MYO18B: variants seen among roughly 807,000 people sequenced by gnomAD.
MYO18B encodes unconventional myosin-XVIIIb.
MYO18B carries 204 observed loss-of-function variants against 273.0 expected under a neutral mutation model. The observed-to-expected ratio is 0.75, with a 90% CI of 0.67 to 0.84. The LOEUF (loss-of-function observed/expected upper bound fraction) is 0.84. Among genes scored for constraint, MYO18B ranks in the 40% least tolerant of loss-of-function variants. The pLI is 0.00. For missense variants in MYO18B, 3,212 were observed against 3,287.6 expected, an observed-to-expected ratio of 0.98 and a Z score of 0.56; for synonymous variants, 1,330 against 1,305.7, an observed-to-expected ratio of 1.02 and a Z score of -0.40.
intron 39 of MYO18B, among the ~76,000 whole-genome samples, chr22:25,968,574 G>A (rs1029974408): frequency 3.3e-5 from 5 of 151,880 alleles, no homozygotes; most frequent in African/African-American, 9.7e-5. Flanking sequence ...GTTACTCCTG[G>A]GGCTGGGACA....
Position 25,781,629 on chromosome 22 carries a change from T to C in MYO18B, c.2212-105T>C, listed in dbSNP as rs865913327. The stretch of plus-strand genomic sequence containing the variant: ...CGTCTCAAAAAAAAAAAAAAAAGAG[T>C]GGATCAGAGTGGGGCACCCCAATGG... On this transcript the variant is annotated intron_variant, in intron 9 of 43. Coordinates refer to ENST00000335473, the MANE Select transcript of MYO18B (RefSeq NM_032608.7). 4.3e-3 allele frequency: 1,283 copies of C among 295,654 alleles called. 18 individuals are homozygous for C. Among genetic ancestry groups the C allele is most frequent in the Middle Eastern group, 0.021 (23 of 1,116 alleles). 18.3% of individuals were successfully genotyped at this position (295,654 alleles called of 1,614,324 possible).
chr22:25,803,229 C>T (rs2088303790), intron 12 of MYO18B, among the ~76,000 whole-genome samples: 1 of 152,150 alleles, frequency 6.6e-6, no homozygotes, highest in Non-Finnish European at 1.5e-5. Context: ...TCCCAAAGTG[C>T]TGGGATTACA....
chr22:26,061,068 A>G, the MYO18B span, among the ~76,000 whole-genome samples: 1 of 152,076 alleles, frequency 6.6e-6, no homozygotes, highest in Admixed American at 6.5e-5. Flanking sequence ...AACCTTCTGT[A>G]GCCCCAGCTA....
At chr22:25,970,848 C>A (rs759080956) in intron 39 of MYO18B, among the ~76,000 whole-genome samples, 1 of 152,130 alleles carries the variant, frequency 6.6e-6, no homozygotes, top group African/African-American at 2.4e-5. Flanking sequence ...CCTTCAGGCT[C>A]CTGCCTTTGT....
chr22:26,030,771 T>C lies in MYO18B; in HGVS notation c.*341T>C, dbSNP rs1936630499. 3 of 395,596 alleles carry C rather than the reference T, an allele frequency of 7.6e-6. No homozygotes were observed. Among genetic ancestry groups the C allele is most frequent in the Non-Finnish European group, 1.3e-5 (3 of 224,690 alleles). The allele number at this position is 395,596 out of a possible 1,614,324, so 24.5% of individuals were successfully genotyped here. On this transcript the variant is annotated 3_prime_UTR_variant, in exon 44 of 44. Coordinates refer to ENST00000335473, the MANE Select transcript of MYO18B (RefSeq NM_032608.7). ...AGTTTGGGGTGTATACTTCTATTTCTCTTCCTACATGTCTACATGCCATGA... is the reference window on the plus strand; with the variant it reads ...AGTTTGGGGTGTATACTTCTATTTCCCTTCCTACATGTCTACATGCCATGA...
chr22:25,793,782 T>C (rs1381165689), intron 11 of MYO18B, among the ~76,000 whole-genome samples: 6 of 152,252 alleles, frequency 3.9e-5, no homozygotes, highest in Non-Finnish European at 8.8e-5. Context: ...TTGATTGACC[T>C]TGAGACTTTA....
chr22:25,925,446 T>A (rs2092406189), intron 34 of MYO18B, among the ~76,000 whole-genome samples: 1 of 152,162 alleles, frequency 6.6e-6, no homozygotes, highest in Admixed American at 6.6e-5. Flanking sequence ...TATTTTAAAA[T>A]TAGTTAATTT....
At chr22:25,970,149 CATT>C (rs1268635544) in intron 39 of MYO18B, among the ~76,000 whole-genome samples, 1 of 152,090 alleles carries the variant, frequency 6.6e-6, no homozygotes, top group Non-Finnish European at 1.5e-5. Context: ...TCACCACCAT[CATT>C]ATCATCACCA....
chr22:25,819,105 C>T (rs757947816), intron 12 of MYO18B, among the ~76,000 whole-genome samples: 1 of 152,064 alleles, frequency 6.6e-6, no homozygotes, highest in Non-Finnish European at 1.5e-5. Flanking sequence ...TAGAAGAATC[C>T]ATGGGATTGG....
At chr22:26,063,573 C>T in the MYO18B span, among the ~76,000 whole-genome samples, 1 of 152,176 alleles carries the variant, frequency 6.6e-6, no homozygotes, top group Non-Finnish European at 1.5e-5. Flanking sequence ...TCTCTTTGCA[C>T]ATCAGACAGG....
chr22:25,813,775 G>A, intron 12 of MYO18B, among the ~76,000 whole-genome samples: 1 of 152,136 alleles, frequency 6.6e-6, no homozygotes, highest in South Asian at 2.1e-4. Context: ...ATTGCCATGT[G>A]GCCTAGCATC....
intron 12 of MYO18B, among the ~76,000 whole-genome samples, chr22:25,820,101 C>T (rs866259290): frequency 1.3e-3 from 3 of 2,274 alleles, no homozygotes; most frequent in Admixed American, 4.1e-3. Flanking sequence ...TCACCATCAT[C>T]ATCACCATCA....
intron 39 of MYO18B, among the ~76,000 whole-genome samples, chr22:25,985,220 G>A (rs1042835330): frequency 1.3e-5 from 2 of 152,104 alleles, no homozygotes; most frequent in Non-Finnish European, 2.9e-5. Flanking sequence ...AATTAGCCAG[G>A]CATAATGGCA....
intron 17 of MYO18B, 68 bp downstream of exon 17, chr22:25,835,511 C>T: frequency 6.3e-7 from 1 of 1,594,784 alleles, no homozygotes; most frequent in East Asian, 2.2e-5. Flanking sequence ...TTCTTCTCTG[C>T]TGCAGGGAAA....
At chr22:25,882,739 C>A (rs1354648588) in intron 25 of MYO18B, among the ~76,000 whole-genome samples, 1 of 152,182 alleles carries the variant, frequency 6.6e-6, no homozygotes, top group Non-Finnish European at 1.5e-5. Flanking sequence ...GTCACTTTTA[C>A]ATTAAAAAAT....
At chr22:25,980,636 G>T (rs988750147) in intron 39 of MYO18B, among the ~76,000 whole-genome samples, 3 of 152,302 alleles carry the variant, frequency 2.0e-5, no homozygotes, top group Middle Eastern at 3.4e-3. Context: ...TTGTCCCCAA[G>T]TAATAGATTT....
chr22:25,775,428 G>A, intron 7 of MYO18B, among the ~76,000 whole-genome samples: 1 of 152,218 alleles, frequency 6.6e-6, no homozygotes, highest in East Asian at 1.9e-4. Context: ...AGGGAGGGCA[G>A]ATGGGGCCTT....
At chr22:25,766,932 A>C (rs529367454) in intron 3 of MYO18B, among the ~76,000 whole-genome samples, 2 of 152,208 alleles carry the variant, frequency 1.3e-5, no homozygotes, top group Non-Finnish European at 2.9e-5. Context: ...GATAGCGGAC[A>C]TGAGTTTGGA....
chr22:25,929,457 A>G (rs1313910057), intron 34 of MYO18B, among the ~76,000 whole-genome samples: 1 of 152,200 alleles, frequency 6.6e-6, no homozygotes, highest in Non-Finnish European at 1.5e-5. Flanking sequence ...ATCGCTGTGC[A>G]CAAATAACAT....
Sources: allele counts gnomAD v4.1 joint callset (sites outside exome capture counted in the v4.1 genomes callset), GRCh38; gene constraint gnomAD v4.1.1; transcripts MANE v1.5; gene names NCBI Gene and HGNC (gene_info 2026-07-23, HGNC 2026-07-21).